CDH13: variants seen among roughly 807,000 people sequenced by gnomAD.
CDH13 encodes the protein cadherin 13.
CDH13 carries 24 observed loss-of-function variants against 63.8 expected under a neutral mutation model. That is an observed-to-expected ratio of 0.38 (90% CI 0.27 to 0.53). The LOEUF (loss-of-function observed/expected upper bound fraction) is 0.53, where lower values mean the gene tolerates loss of function less well. CDH13 is among the 20% of genes least tolerant of loss of function. The pLI, the probability that CDH13 is intolerant of heterozygous loss-of-function variation, is 0.85. For synonymous variants in CDH13, 503 were observed against 355.3 expected (o/e 1.42, Z -4.67); for missense variants, 1,049 against 903.1 (o/e 1.16, Z -2.07).
At chr16:82,926,210 A>G (rs1421749575) in intron 2 of CDH13, among the ~76,000 whole-genome samples, 7 of 152,016 alleles carry the variant, frequency 4.6e-5, no homozygotes, top group Middle Eastern at 3.4e-3. Context: ...ACTTCTTGCC[A>G]TTAGTGTGCA....
intron 2 of CDH13, among the ~76,000 whole-genome samples, chr16:82,882,387 A>G (rs922941669): frequency 1.3e-5 from 2 of 152,186 alleles, no homozygotes; most frequent in African/African-American, 2.4e-5. Context: ...AAATCCAGGC[A>G]GTCTGGCTCT....
At chr16:83,768,051 A>G (rs568746875) in intron 11 of CDH13, among the ~76,000 whole-genome samples, 1 of 152,320 alleles carries the variant, frequency 6.6e-6, no homozygotes, top group South Asian at 2.1e-4. Flanking sequence ...TAACATGTTC[A>G]TGGTTATTGT....
chr16:82,789,706 G>T (rs1390977147), intron 1 of CDH13, among the ~76,000 whole-genome samples: 1 of 152,220 alleles, frequency 6.6e-6, no homozygotes, highest in Non-Finnish European at 1.5e-5. Context: ...AAACAGGGCT[G>T]TGCTGCTATT....
chr16:82,763,647 A>G (rs894912054), intron 1 of CDH13, among the ~76,000 whole-genome samples: 3 of 152,246 alleles, frequency 2.0e-5, no homozygotes, highest in Non-Finnish European at 4.4e-5. Flanking sequence ...TTTTCAATAG[A>G]TATATAATGA....
chr16:83,211,737 C>G (rs936634030), intron 4 of CDH13, among the ~76,000 whole-genome samples: 1 of 150,062 alleles, frequency 6.7e-6, no homozygotes, highest in Non-Finnish European at 1.5e-5. Flanking sequence ...GACACTGGTC[C>G]CAGCTATGCG....
At chr16:82,833,670 A>G (rs1324095927) in intron 1 of CDH13, among the ~76,000 whole-genome samples, 1 of 152,124 alleles carries the variant, frequency 6.6e-6, no homozygotes, top group Non-Finnish European at 1.5e-5. Flanking sequence ...CCTAATGTCA[A>G]CCTAGTGACT....
chr16:83,503,714 C>T (rs1249597427), intron 7 of CDH13, among the ~76,000 whole-genome samples: 1 of 152,118 alleles, frequency 6.6e-6, no homozygotes, highest in East Asian at 1.9e-4. Context: ...TGTTCATATC[C>T]TTCGCCTGCT....
At chr16:83,180,032 C>G (rs952589503) in intron 4 of CDH13, among the ~76,000 whole-genome samples, 1 of 152,002 alleles carries the variant, frequency 6.6e-6, no homozygotes, top group East Asian at 1.9e-4. Flanking sequence ...GTAGATTTCC[C>G]TCTCTTAAAA....
At chr16:83,738,263 C>A (rs553302186) in intron 10 of CDH13, among the ~76,000 whole-genome samples, 3 of 152,278 alleles carry the variant, frequency 2.0e-5, no homozygotes, top group Non-Finnish European at 4.4e-5. Context: ...AAGCGCGGTG[C>A]CTGGCATGAA....
rs1211152351 is a variant in CDH13, at chr16:83,344,446, C to A, written c.637-416C>A. On this transcript the variant is annotated intron_variant, in intron 5 of 13. Transcript: ENST00000567109. ...TTCTCCTAAAAGATTGCCATAAACA[C>A]TTTTGGTTATCTCTTAATGTACTTG... 3.9e-5 allele frequency among the ~76,000 whole-genome samples: 6 copies of A among 152,304 alleles called. 1 individual carries two copies. Among genetic ancestry groups the A allele is most frequent in the Admixed American group, 3.9e-4 (6 of 15,300 alleles).
At position 82,778,403 on chromosome 16, in the gene CDH13, T is replaced by C. The variant is rs951911193; in HGVS notation, c.46-79959T>C. 3.3e-5 allele frequency among the ~76,000 whole-genome samples: 5 copies of C among 152,026 alleles called. No individual in the cohort carries two copies. The East Asian group carries it at 5.8e-4, about 18-fold the overall frequency. The stretch of plus-strand genomic sequence containing the variant: ...TCTAATTTTATTACAGAGTTTTGGA[T>C]GGTGGGGGCATTTCCACGTTGCTGC... On this transcript the variant is annotated intron_variant, in intron 1 of 13. Transcript: ENST00000567109.
intron 1 of CDH13, among the ~76,000 whole-genome samples, chr16:82,746,901 C>A (rs951811820): frequency 3.9e-5 from 6 of 152,098 alleles, no homozygotes; most frequent in African/African-American, 1.2e-4. Flanking sequence ...TTGTTAAGGA[C>A]CTGATGTTGT....
intron 1 of CDH13, among the ~76,000 whole-genome samples, chr16:82,680,950 C>T (rs747960470): frequency 1.3e-5 from 2 of 152,124 alleles, no homozygotes; most frequent in African/African-American, 2.4e-5. Flanking sequence ...AGTGGAAAGC[C>T]AGAGAAGAAA....
chr16:82,795,492 C>T (rs988987997), intron 1 of CDH13, among the ~76,000 whole-genome samples: 2 of 152,144 alleles, frequency 1.3e-5, no homozygotes, highest in South Asian at 2.1e-4. Context: ...TTTCAAGGCT[C>T]GTTACCATGC....
In CDH13 at chr16:83,731,518, G is replaced by C. The variant is rs181300360; in HGVS notation, c.1539-16590G>C. Among the ~76,000 whole-genome samples the C allele has an allele frequency of 2.0e-5, 3 of 152,256 alleles. No homozygotes were observed. The South Asian group carries it at 6.2e-4, about 32-fold the overall frequency. On this transcript the variant is annotated intron_variant, in intron 10 of 13. Coordinates refer to ENST00000567109, the MANE Select transcript of CDH13 (RefSeq NM_001257.5). ...CCATTTTGTAATGGGGTAGTTGTTTGCTTGTTGAGTTGTTAAAGTTACTTA... is the reference window on the plus strand; with the variant it reads ...CCATTTTGTAATGGGGTAGTTGTTTCCTTGTTGAGTTGTTAAAGTTACTTA...
chr16:83,528,089 C>G (rs1169944376), intron 7 of CDH13, among the ~76,000 whole-genome samples: 1 of 152,228 alleles, frequency 6.6e-6, no homozygotes, highest in Non-Finnish European at 1.5e-5. Flanking sequence ...GGCATACCTA[C>G]TTAGCCCCAT....
intron 8 of CDH13, among the ~76,000 whole-genome samples, chr16:83,643,970 C>G (rs898496187): frequency 1.3e-5 from 2 of 152,208 alleles, no homozygotes; most frequent in African/African-American, 2.4e-5. Context: ...GTTTGAGGAA[C>G]CTGCATGTGG....
intron 4 of CDH13, among the ~76,000 whole-genome samples, chr16:83,207,244 C>T (rs1330258827): frequency 6.6e-6 from 1 of 152,318 alleles, no homozygotes; most frequent in Non-Finnish European, 1.5e-5. Context: ...GCTAACTCCC[C>T]ATTCACTGCC....
intron 6 of CDH13, among the ~76,000 whole-genome samples, chr16:83,474,725 A>C (rs1027188835): frequency 1.3e-5 from 2 of 152,218 alleles, no homozygotes; most frequent in Admixed American, 6.5e-5. Flanking sequence ...TGGGAGCCCG[A>C]GGAATAAACT....
Sources: allele counts gnomAD v4.1 joint callset (sites outside exome capture counted in the v4.1 genomes callset), GRCh38; gene constraint gnomAD v4.1.1; transcripts MANE v1.5; gene names NCBI Gene and HGNC (gene_info 2026-07-23, HGNC 2026-07-21).